The following HNF4A variants were observed in gnomAD, a reference collection of about 807,000 sequenced individuals.
HNF4A encodes the protein hepatocyte nuclear factor 4-alpha.
In HNF4A, 15 loss-of-function variants were observed where a neutral mutation model predicts 52.4. The observed-to-expected ratio is 0.29, with a 90% CI of 0.19 to 0.44. The LOEUF is 0.44. HNF4A is among the 20% of genes least tolerant of loss of function. The pLI is 1.00. For synonymous variants in HNF4A, 280 were observed against 264.4 expected, an observed-to-expected ratio of 1.06 and a Z score of -0.57; for missense variants, 479 against 647.2, an observed-to-expected ratio of 0.74 and a Z score of 2.82.
At chr20:44,393,870 C>A (rs2063328838) in intron 1 of HNF4A, among the ~76,000 whole-genome samples, 1 of 152,016 alleles carries the variant, frequency 6.6e-6, no homozygotes, top group African/African-American at 2.4e-5. Flanking sequence ...GGGCATCTGT[C>A]TTTAATTTTA....
At chr20:44,425,368 T>C (rs981925082) in intron 8 of HNF4A, among the ~76,000 whole-genome samples, 76 of 152,334 alleles carry the variant, frequency 5.0e-4, no homozygotes, top group African/African-American at 1.7e-3. Flanking sequence ...AATCATGTGA[T>C]GGATGATGGA....
chr20:44,370,631 G>T (rs918612248), intron 1 of HNF4A, among the ~76,000 whole-genome samples: 3 of 152,182 alleles, frequency 2.0e-5, no homozygotes, highest in Non-Finnish European at 4.4e-5. Flanking sequence ...ATGACAGCAG[G>T]GAGTTAGGCT....
At chr20:44,387,803 A>G (rs2063249056) in intron 1 of HNF4A, among the ~76,000 whole-genome samples, 1 of 151,568 alleles carries the variant, frequency 6.6e-6, no homozygotes, top group Admixed American at 6.6e-5. Flanking sequence ...GTGGAGATGG[A>G]AAGATGGAAA....
chr20:44,400,610 C>G (rs1205553362), upstream of HNF4A, among the ~76,000 whole-genome samples: 1 of 152,096 alleles, frequency 6.6e-6, no homozygotes, highest in Non-Finnish European at 1.5e-5. Context: ...ATGGAGCCAG[C>G]CTGGGCCAGA....
chr20:44,389,097 C>T (rs1568707180), intron 1 of HNF4A, among the ~76,000 whole-genome samples: 1 of 152,196 alleles, frequency 6.6e-6, no homozygotes, highest in Non-Finnish European at 1.5e-5. Context: ...TCCACCGTGC[C>T]CTTTAAGATC....
chr20:44,391,999 T>C (rs1361331364), intron 1 of HNF4A: 5 of 152,188 alleles, frequency 3.3e-5, no homozygotes, highest in Non-Finnish European at 5.9e-5. Flanking sequence ...ATAATAATAA[T>C]AACACATACC....
At chr20:44,379,522 G>A (rs1278415157) in intron 1 of HNF4A, among the ~76,000 whole-genome samples, 1 of 151,812 alleles carries the variant, frequency 6.6e-6, no homozygotes. Context: ...GGTGTGAGGT[G>A]GTCTCTTATT....
At position 44,418,445 on chromosome 20, in the gene HNF4A, T is replaced by C. The variant is rs1192320996; in HGVS notation, c.669T>C (p.His223=). 1.2e-6 allele frequency: 2 copies of C among 1,613,858 alleles called. No individual in the cohort carries two copies. Among genetic ancestry groups the C allele is most frequent in the African/African-American group, 1.3e-5 (1 of 74,928 alleles). Residue 223 remains histidine, a synonymous_variant, in exon 6 of 10, where the codon CAT becomes CAC. Transcript: ENST00000316099. ...TTCAGGTGGCCCTGCTCAGAGCCCA[T>C]GCTGGCGAGCACCTGCTGCTCGGAG...
At chr20:44,368,086 A>ATG (rs544910153) in intron 1 of HNF4A, among the ~76,000 whole-genome samples, 15,006 of 101,688 alleles carry the variant, frequency 0.15, 1,188 homozygotes, top group Middle Eastern at 0.21. Context: ...ATATATATAT[A>ATG]TGTGTGTGTG....
intron 1 of HNF4A, chr20:44,391,983 T>A (rs904441821): frequency 2.6e-5 from 4 of 152,128 alleles, no homozygotes; most frequent in Non-Finnish European, 5.9e-5. Context: ...TTAAGTAAAA[T>A]ATTAAATAAT....
chr20:44,423,443 GAAAC>G (rs2063774868), intron 7 of HNF4A, among the ~76,000 whole-genome samples: 1 of 152,234 alleles, frequency 6.6e-6, no homozygotes, highest in Non-Finnish European at 1.5e-5. Context: ...CAGAGATTTG[GAAAC>G]AGGAGGGACA....
intron 7 of HNF4A, among the ~76,000 whole-genome samples, chr20:44,420,909 C>T (rs192266426): frequency 1.3e-5 from 2 of 152,266 alleles, no homozygotes; most frequent in East Asian, 3.9e-4. Context: ...AGTCTACTCC[C>T]CAAGAGAAGC....
rs1352984136 is a variant in HNF4A at position 44,387,662 on chromosome 20, G to A, written c.50-18396G>A. On this transcript the variant is annotated intron_variant, in intron 1 of 9. Coordinates refer to the HNF4A transcript ENST00000316673. ...GGGTGGGGTGGAGGCAGGCGGGGGG[G>A]GGGGGAGGCGGGGGGGGCGGTGGAG... Among the ~76,000 whole-genome samples, 321 of 93,708 alleles carry A rather than the reference G, an allele frequency of 3.4e-3. 25 individuals carry two copies. The highest frequency in any genetic ancestry group is 0.011 in the African/African-American group (306 of 28,884). The allele number at this position is 93,708 out of a possible 152,430, so 61.5% of individuals were successfully genotyped here. A position where few individuals can be genotyped will look rare whatever the true frequency, so the allele number is the denominator to read the frequency against.
upstream of HNF4A, among the ~76,000 whole-genome samples, chr20:44,400,864 T>C (rs765851167): frequency 6.6e-6 from 1 of 151,908 alleles, no homozygotes; most frequent in African/African-American, 2.4e-5. Flanking sequence ...TGCAAAAGCA[T>C]TGAGGGTAGA....
chr20:44,410,735 G>A (rs8122560), intron 3 of HNF4A, among the ~76,000 whole-genome samples: 28,649 of 151,948 alleles, frequency 0.19, 2,827 homozygotes, highest in Non-Finnish European at 0.21. Flanking sequence ...TTACAGAAGA[G>A]GACACTGAGG....
chr20:44,378,082 T>A (rs765088749), intron 1 of HNF4A, among the ~76,000 whole-genome samples: 1 of 152,220 alleles, frequency 6.6e-6, no homozygotes, highest in Non-Finnish European at 1.5e-5. Context: ...GAATGTAAAA[T>A]TATGCTTCAC....
At chr20:44,413,260 C>G (rs908043710) in intron 3 of HNF4A, among the ~76,000 whole-genome samples, 4 of 152,186 alleles carry the variant, frequency 2.6e-5, no homozygotes, top group African/African-American at 9.7e-5. Flanking sequence ...CCCCCAGATC[C>G]TCTTGTTCAG....
Position 44,410,181 on chromosome 20 carries a change from C to T in HNF4A, c.385+2706C>T, listed in dbSNP as rs540558552. ...CAAAGCCAGCAAACCCCTTACTAGGCTCCTGGAAGGGGGATGAGAGCCCCA... is the reference window on the plus strand; with the variant it reads ...CAAAGCCAGCAAACCCCTTACTAGGTTCCTGGAAGGGGGATGAGAGCCCCA... On this transcript the variant is annotated intron_variant, in intron 3 of 9. Coordinates refer to ENST00000316099, the MANE Select transcript of HNF4A (RefSeq NM_000457.6). Among the ~76,000 whole-genome samples, 36 of 152,360 alleles carry T rather than the reference C, an allele frequency of 2.4e-4. No homozygotes were observed. The South Asian group carries it at 5.8e-3, about 25-fold the overall frequency.
At chr20:44,417,797 C>A (rs1342189902) in intron 5 of HNF4A, among the ~76,000 whole-genome samples, 1 of 151,782 alleles carries the variant, frequency 6.6e-6, no homozygotes, top group Non-Finnish European at 1.5e-5. Flanking sequence ...TATGGTGAAA[C>A]CCCGTCTCTA....
Sources: gnomAD v4.1 joint callset for allele counts (sites outside exome capture counted in the v4.1 genomes callset) on GRCh38, gnomAD v4.1.1 for gene constraint, MANE v1.5 for transcripts, NCBI Gene and HGNC (gene_info 2026-07-23, HGNC 2026-07-21) for gene names.